The following MIPOL1 variants were observed in gnomAD, a reference collection of about 807,000 sequenced individuals.
MIPOL1 encodes the protein mirror-image polydactyly 1.
A neutral mutation model predicts 60.9 loss-of-function variants in MIPOL1; 57 were observed. The observed-to-expected ratio is 0.94, with a 90% CI of 0.76 to 1.17. The LOEUF (loss-of-function observed/expected upper bound fraction) is 1.17. Among genes scored for constraint, MIPOL1 ranks in the 50% most tolerant of loss-of-function variants. The pLI, the probability that MIPOL1 is intolerant of heterozygous loss-of-function variation, is 0.00. For missense variants in MIPOL1, 551 were observed against 511.6 expected (o/e 1.08, Z -0.74); for synonymous variants, 179 against 168.8 (o/e 1.06, Z -0.47).
chr14:37,454,720 A>T (rs1381502408), intron 11 of MIPOL1, among the ~76,000 whole-genome samples: 2 of 152,214 alleles, frequency 1.3e-5, no homozygotes, highest in Non-Finnish European at 2.9e-5. Flanking sequence ...AAGCATAAAG[A>T]AGCATGTATG....
chr14:37,528,506 T>C (rs771247857), intron 12 of MIPOL1, among the ~76,000 whole-genome samples: 40 of 152,102 alleles, frequency 2.6e-4, no homozygotes, highest in Non-Finnish European at 4.6e-4. Flanking sequence ...GAGATATCCT[T>C]GAGGAACTGT....
chr14:37,433,587 G>C (rs972867621), intron 11 of MIPOL1, among the ~76,000 whole-genome samples: 56 of 151,908 alleles, frequency 3.7e-4, no homozygotes, highest in Non-Finnish European at 1.5e-5. Flanking sequence ...ACCAAGTCTC[G>C]ATCTGTTGCC....
intron 9 of MIPOL1, among the ~76,000 whole-genome samples, chr14:37,339,634 ATAC>A (rs1288088510): frequency 6.6e-6 from 1 of 152,212 alleles, no homozygotes; most frequent in African/African-American, 2.4e-5. Context: ...TGAAAATGGA[ATAC>A]TATTTAGCAT....
intron 1 of MIPOL1, chr14:37,227,821 C>A (rs1459244185): frequency 1.3e-5 from 2 of 152,132 alleles, no homozygotes; most frequent in Non-Finnish European, 2.9e-5. Flanking sequence ...TAAAGGAGCT[C>A]ATAGAATGCC....
At chr14:37,494,706 A>G (rs2095094007) in intron 11 of MIPOL1, among the ~76,000 whole-genome samples, 1 of 152,194 alleles carries the variant, frequency 6.6e-6, no homozygotes, top group Non-Finnish European at 1.5e-5. Context: ...AATATTAATA[A>G]GACTTCTCAT....
chr14:37,340,335 C>T (rs1276352228), intron 9 of MIPOL1, among the ~76,000 whole-genome samples: 1 of 152,144 alleles, frequency 6.6e-6, no homozygotes, highest in Admixed American at 6.5e-5. Context: ...GATTTTTGTA[C>T]ATTTGTACAA....
intron 7 of MIPOL1, among the ~76,000 whole-genome samples, chr14:37,292,974 A>C (rs1340892704): frequency 6.6e-6 from 1 of 152,000 alleles, no homozygotes; most frequent in Non-Finnish European, 1.5e-5. Flanking sequence ...GCTTGGTGCC[A>C]AGCATTAAGG....
intron 7 of MIPOL1, among the ~76,000 whole-genome samples, chr14:37,293,174 A>G (rs973909077): frequency 9.9e-5 from 15 of 152,222 alleles, no homozygotes; most frequent in Admixed American, 2.0e-4. Flanking sequence ...TGTCTACTCA[A>G]TTCATTCTCA....
At chr14:37,332,226 G>A (rs963315721) in intron 9 of MIPOL1, among the ~76,000 whole-genome samples, 7 of 152,006 alleles carry the variant, frequency 4.6e-5, no homozygotes, top group African/African-American at 1.7e-4. Flanking sequence ...GTTGAGATGT[G>A]TTCCTTCCAT....
intron 10 of MIPOL1, among the ~76,000 whole-genome samples, chr14:37,373,745 A>G (rs769803741): frequency 4.6e-5 from 7 of 152,120 alleles, no homozygotes; most frequent in Non-Finnish European, 8.8e-5. Context: ...ATAACATTCC[A>G]TGGTGTATAT....
At chr14:37,336,290 A>T (rs931684292) in intron 9 of MIPOL1, among the ~76,000 whole-genome samples, 1 of 151,250 alleles carries the variant, frequency 6.6e-6, no homozygotes, top group Non-Finnish European at 1.5e-5. Context: ...CTTTATGCCA[A>T]TATCACACTG....
chr14:37,497,946 A>G (rs952914417), intron 11 of MIPOL1, among the ~76,000 whole-genome samples: 1 of 152,228 alleles, frequency 6.6e-6, no homozygotes, highest in African/African-American at 2.4e-5. Flanking sequence ...TCTACTTTAC[A>G]CATGAATACC....
At chr14:37,513,598 G>A (rs1594815259) in intron 12 of MIPOL1, among the ~76,000 whole-genome samples, 1 of 152,242 alleles carries the variant, frequency 6.6e-6, no homozygotes. Flanking sequence ...GGAGTGCAAA[G>A]TGAAGGATCC....
At chr14:37,377,687 A>G (rs2899859) in intron 10 of MIPOL1, among the ~76,000 whole-genome samples, 150,741 of 151,356 alleles carry the variant, frequency 1, 75,070 homozygotes, top group Non-Finnish European at 1. Context: ...CTGCCAAAAA[A>G]CAATTCAGCA....
intron 11 of MIPOL1, among the ~76,000 whole-genome samples, chr14:37,480,356 C>G (rs951972937): frequency 3.9e-5 from 6 of 152,048 alleles, no homozygotes; most frequent in Non-Finnish European, 8.8e-5. Flanking sequence ...CCACCATTAT[C>G]GAGTGGGATT....
At chr14:37,350,022 A>T (rs148133661) in intron 9 of MIPOL1, among the ~76,000 whole-genome samples, 6 of 152,286 alleles carry the variant, frequency 3.9e-5, no homozygotes, top group African/African-American at 1.4e-4. Flanking sequence ...CATTTGGTAA[A>T]CATTGGTGAT....
At chr14:37,213,103 AC>A (rs1384671628) in intron 1 of MIPOL1, among the ~76,000 whole-genome samples, 3 of 152,190 alleles carry the variant, frequency 2.0e-5, no homozygotes, top group Non-Finnish European at 4.4e-5. Context: ...AAGGACAGCT[AC>A]AATAAACCCA....
intron 9 of MIPOL1, among the ~76,000 whole-genome samples, chr14:37,366,156 A>G (rs2092463650): frequency 6.7e-6 from 1 of 149,258 alleles, no homozygotes; most frequent in Non-Finnish European, 1.5e-5. Flanking sequence ...TTTCAAATTT[A>G]TTCATTTCTG....
intron 10 of MIPOL1, among the ~76,000 whole-genome samples, chr14:37,399,291 T>A (rs953948464): frequency 2.6e-5 from 4 of 152,128 alleles, no homozygotes; most frequent in African/African-American, 9.7e-5. Context: ...AATAAAACAA[T>A]CCTCTGACTG....
Sources: allele counts gnomAD v4.1 joint callset (sites outside exome capture counted in the v4.1 genomes callset), GRCh38; gene constraint gnomAD v4.1.1; transcripts MANE v1.5; gene names NCBI Gene and HGNC (gene_info 2026-07-23, HGNC 2026-07-21).